Variants in SUPT3H observed in about 807,000 individuals in gnomAD.
The protein encoded by SUPT3H is SPT3 homolog, SAGA and STAGA complex component, also known as transcription initiation protein SPT3 homolog.
SUPT3H carries 44 observed loss-of-function variants against 44.3 expected under a neutral mutation model. The ratio of observed to expected loss-of-function variants is 0.99; its 90% CI spans 0.78 to 1.28. The LOEUF is 1.28. SUPT3H is among the 50% of genes most tolerant of loss of function. SUPT3H has a pLI of 0.00. For missense variants in SUPT3H, 380 were observed against 387.1 expected, an observed-to-expected ratio of 0.98 and a Z score of 0.15; for synonymous variants, 124 against 125.6, an observed-to-expected ratio of 0.99 and a Z score of 0.09.
chr6:45,199,051 T>A (rs1193919196), intron 2 of SUPT3H, among the ~76,000 whole-genome samples: 3 of 151,346 alleles, frequency 2.0e-5, no homozygotes. Context: ...TACTAGTGCT[T>A]ATAAGGGCTG....
At chr6:45,256,867 T>C (rs911398406) in intron 2 of SUPT3H, among the ~76,000 whole-genome samples, 1 of 152,208 alleles carries the variant, frequency 6.6e-6, no homozygotes, top group Non-Finnish European at 1.5e-5. Flanking sequence ...TTTCAACCTT[T>C]TGGCTATTAT....
At chr6:45,106,542 T>TA (rs1799308400) in intron 2 of SUPT3H, among the ~76,000 whole-genome samples, 1 of 151,954 alleles carries the variant, frequency 6.6e-6, no homozygotes, top group Admixed American at 6.6e-5. Flanking sequence ...TTTTTATTTT[T>TA]TTTATTTTTT....
At chr6:44,944,339 A>C (rs1772938854) in intron 9 of SUPT3H, among the ~76,000 whole-genome samples, 1 of 152,184 alleles carries the variant, frequency 6.6e-6, no homozygotes, top group Non-Finnish European at 1.5e-5. Flanking sequence ...ACCCAAAAGA[A>C]GACAGGAAAG....
At chr6:45,245,009 C>G (rs1184892395) in intron 2 of SUPT3H, among the ~76,000 whole-genome samples, 1 of 152,122 alleles carries the variant, frequency 6.6e-6, no homozygotes, top group Non-Finnish European at 1.5e-5. Flanking sequence ...TTTACAAACT[C>G]TTCCACAGTA....
chr6:44,950,800 T>TA lies in SUPT3H; in HGVS notation c.801+2509_801+2510insT, dbSNP rs1774169963. Among the ~76,000 whole-genome samples the TA allele has an allele frequency of 2.8e-5, 4 of 141,574 alleles. No individual in the cohort carries two copies. In the South Asian group the frequency reaches 8.9e-4, roughly 31 times the overall value. The allele number at this position is 141,574 out of a possible 152,430, so 92.9% of individuals were successfully genotyped here. On this transcript the variant is annotated intron_variant, in intron 9 of 10. Coordinates refer to ENST00000371459, the MANE Select transcript of SUPT3H (RefSeq NM_003599.4). ...GTACATGGCACTACCATTTGGATCT[T>TA]TTTTTTTTTTTCCTCTTGTTTTATT...
At chr6:44,814,300 A>T (rs1050457936) in intron 11 of SUPT3H, among the ~76,000 whole-genome samples, 1 of 152,156 alleles carries the variant, frequency 6.6e-6, no homozygotes, top group Non-Finnish European at 1.5e-5. Flanking sequence ...GTCTCCCAAC[A>T]GGTTATTTAA....
At chr6:44,809,078 G>C (rs1766341911), downstream of SUPT3H, among the ~76,000 whole-genome samples, 1 of 152,186 alleles carries the variant, frequency 6.6e-6, no homozygotes. Flanking sequence ...TTACACTTTA[G>C]TCACTCAATA....
At chr6:45,283,139 T>A (rs976499163) in intron 2 of SUPT3H, among the ~76,000 whole-genome samples, 1 of 152,022 alleles carries the variant, frequency 6.6e-6, no homozygotes, top group Non-Finnish European at 1.5e-5. Context: ...ACATGCCAAA[T>A]TGTAAAGACC....
At chr6:45,372,040 C>A (rs983992108) in intron 1 of SUPT3H, 46 of 965,970 alleles carry the variant, frequency 4.8e-5, no homozygotes, top group Admixed American at 6.2e-5. Context: ...AAAAGTTTAT[C>A]ATAACTAACC....
chr6:45,218,247 A>G (rs1022279834), intron 2 of SUPT3H, among the ~76,000 whole-genome samples: 1 of 152,212 alleles, frequency 6.6e-6, no homozygotes, highest in African/African-American at 2.4e-5. Flanking sequence ...GAAAATTACT[A>G]AACATGAGAA....
chr6:45,078,863 G>A (rs757825642), intron 3 of SUPT3H, among the ~76,000 whole-genome samples: 19 of 152,196 alleles, frequency 1.2e-4, no homozygotes, highest in Admixed American at 6.5e-4. Context: ...TTCTTTTGCA[G>A]CTTTTAGAAT....
intron 2 of SUPT3H, among the ~76,000 whole-genome samples, chr6:45,310,107 G>A (rs927499827): frequency 6.6e-6 from 1 of 152,200 alleles, no homozygotes; most frequent in African/African-American, 2.4e-5. Context: ...CGGTGGGAAT[G>A]AGACCAGCCT....
intron 11 of SUPT3H, among the ~76,000 whole-genome samples, chr6:44,813,110 A>G (rs1267209981): frequency 6.6e-6 from 1 of 152,188 alleles, no homozygotes; most frequent in East Asian, 1.9e-4. Flanking sequence ...ATAAAGGCAA[A>G]GCAGAAATAG....
intron 10 of SUPT3H, among the ~76,000 whole-genome samples, chr6:44,831,138 A>T (rs1768639591): frequency 2.0e-5 from 3 of 152,172 alleles, no homozygotes; most frequent in Admixed American, 2.0e-4. Flanking sequence ...CTGCTTAAGA[A>T]GATTTACTGT....
At chr6:44,838,419 T>C (rs1033651548) in intron 10 of SUPT3H, among the ~76,000 whole-genome samples, 4 of 152,092 alleles carry the variant, frequency 2.6e-5, no homozygotes, top group African/African-American at 9.7e-5. Context: ...TAATGGGCTG[T>C]GTAAGAGGGC....
intron 2 of SUPT3H, among the ~76,000 whole-genome samples, chr6:45,227,330 A>C (rs1019576262): frequency 6.6e-6 from 1 of 152,106 alleles, no homozygotes; most frequent in Non-Finnish European, 1.5e-5. Flanking sequence ...CATTTTCAAC[A>C]TTAGTAATAT....
At position 45,074,297 on chromosome 6, in the gene SUPT3H, T is replaced by A. The variant is rs553375584; in HGVS notation, c.186+31625A>T. ...ATAACTATAAAGATAATAGATACCATATAAACATTAAGAAACCTAACAGAA... is the reference window on the plus strand; with the variant it reads ...ATAACTATAAAGATAATAGATACCAAATAAACATTAAGAAACCTAACAGAA... On this transcript the variant is annotated intron_variant, in intron 3 of 10. Coordinates refer to ENST00000371459, the MANE Select transcript of SUPT3H (RefSeq NM_003599.4). Among the ~76,000 whole-genome samples the A allele has an allele frequency of 1.2e-4, 18 of 152,036 alleles. No individual in the cohort carries two copies. In the South Asian group the frequency reaches 3.3e-3, roughly 28 times the overall value.
At chr6:45,240,863 T>TA (rs1286982212) in intron 2 of SUPT3H, among the ~76,000 whole-genome samples, 3 of 152,018 alleles carry the variant, frequency 2.0e-5, no homozygotes, top group Non-Finnish European at 2.9e-5. Flanking sequence ...ATGGAAAGAA[T>TA]AAAAAAACAT....
chr6:45,255,043 G>A lies in SUPT3H; in HGVS notation c.101+110158C>T, dbSNP rs141577438. Among the ~76,000 whole-genome samples the A allele has an allele frequency of 4.6e-5, 7 of 152,122 alleles. No homozygotes were observed. The East Asian group carries it at 1.2e-3, about 25-fold the overall frequency. ...AATAATCCTTATATTACTTAATAAC[G>A]GCCCCAAAGCATAAGAGTAGTGATG... is the stretch of plus-strand genomic sequence containing the variant. On this transcript the variant is annotated intron_variant, in intron 2 of 10. Transcript: ENST00000371459.
Sources: gnomAD v4.1 joint callset for allele counts (sites outside exome capture counted in the v4.1 genomes callset) on GRCh38, gnomAD v4.1.1 for gene constraint, MANE v1.5 for transcripts, NCBI Gene and HGNC (gene_info 2026-07-23, HGNC 2026-07-21) for gene names.